FHIT: variants seen among roughly 807,000 people sequenced by gnomAD.
FHIT encodes the protein fragile histidine triad diadenosine triphosphatase, also known as bis(5'-adenosyl)-triphosphatase.
A neutral mutation model predicts 17.9 loss-of-function variants in FHIT; 19 were observed. The observed-to-expected ratio is 1.06, with a 90% CI of 0.74 to 1.56. FHIT has a LOEUF of 1.56. Ranked by LOEUF, FHIT falls within the 40% of genes most tolerant of loss-of-function variation. The pLI is 0.00. For missense variants in FHIT, 248 were observed against 189.2 expected, an observed-to-expected ratio of 1.31 and a Z score of -1.82; for synonymous variants, 81 against 69.7, an observed-to-expected ratio of 1.16 and a Z score of -0.81.
rs150822508 is a variant in FHIT, at chr3:59,847,436, C to T, written c.348+74910G>A. Among the ~76,000 whole-genome samples the T allele has an allele frequency of 8.5e-5, 13 of 152,140 alleles. 1 individual carries two copies. The East Asian group carries it at 1.9e-3, about 23-fold the overall frequency. ...TTACAATTTATTTTTGGTTTCTTTG[C>T]ATCACTCTCTCTTTATTGATGTTGC... is the stretch of plus-strand genomic sequence containing the variant. On this transcript the variant is annotated intron_variant, in intron 8 of 9. Coordinates refer to ENST00000492590, the MANE Select transcript of FHIT (RefSeq NM_002012.4).
In FHIT at chr3:60,298,258, C is replaced by T. The variant is rs145999091; in HGVS notation, c.103+238602G>A. 1.4e-3 allele frequency among the ~76,000 whole-genome samples: 219 copies of T among 152,184 alleles called. 3 individuals carry two copies. The Middle Eastern group carries it at 0.02, about 14-fold the overall frequency. On this transcript the variant is annotated intron_variant, in intron 5 of 9. Coordinates refer to ENST00000492590, the MANE Select transcript of FHIT (RefSeq NM_002012.4). ...GATCATCCAGACCTTCAGACCCTCT[C>T]CCCTCCCTAGAGTCAGGAGATAAGG... is the stretch of plus-strand genomic sequence containing the variant.
intron 3 of FHIT, among the ~76,000 whole-genome samples, chr3:60,955,607 T>TAC (rs1709085326): frequency 8.7e-5 from 1 of 11,548 alleles, no homozygotes; most frequent in African/African-American, 2.3e-4. Context: ...CATATATATA[T>TAC]ATATATATAT....
intron 2 of FHIT, among the ~76,000 whole-genome samples, chr3:61,099,951 C>T (rs531152916): frequency 2.6e-5 from 4 of 152,180 alleles, no homozygotes; most frequent in African/African-American, 7.2e-5. Context: ...TATGAAGGTT[C>T]CCGAATCCTT....
intron 5 of FHIT, among the ~76,000 whole-genome samples, chr3:60,426,526 C>G (rs1264333358): frequency 6.6e-6 from 1 of 152,100 alleles, no homozygotes; most frequent in Non-Finnish European, 1.5e-5. Context: ...ACATATGCAT[C>G]TATTTATCAC....
rs1005151006 is a variant in FHIT at position 60,038,977 on chromosome 3, T to C, written c.104-24825A>G. On this transcript the variant is annotated intron_variant, in intron 5 of 9. Coordinates refer to ENST00000492590, the MANE Select transcript of FHIT (RefSeq NM_002012.4). Reference sequence around the variant, plus strand: ...TTTCTGGAGGGGGTGGTCAGGAATTTTGGATCATCTCAGTCAGAAGGTCTG... The same window carrying C: ...TTTCTGGAGGGGGTGGTCAGGAATTCTGGATCATCTCAGTCAGAAGGTCTG... Among the ~76,000 whole-genome samples, 5 of 152,140 alleles carry C rather than the reference T, an allele frequency of 3.3e-5. No individual in the cohort carries two copies. In the South Asian group the frequency reaches 6.2e-4, roughly 19 times the overall value.
chr3:59,911,645 G>GA lies in FHIT; in HGVS notation c.348+10700dup, dbSNP rs554214108. Among the ~76,000 whole-genome samples, 14 of 152,186 alleles carry GA rather than the reference G, an allele frequency of 9.2e-5. No homozygotes were observed. In the East Asian group the frequency reaches 2.1e-3, roughly 23 times the overall value. ...TTTTCTCAGCAGGCTTTGTTGGTTT[G>GA]AAAAAATACCTTGGCATCTCAGGAA... On this transcript the variant is annotated intron_variant, in intron 8 of 9. Transcript: ENST00000492590.
chr3:60,238,670 T>G (rs1181739790), intron 5 of FHIT, among the ~76,000 whole-genome samples: 1 of 152,130 alleles, frequency 6.6e-6, no homozygotes, highest in South Asian at 2.1e-4. Context: ...CTTAGTGTAG[T>G]TGCACTCTTC....
chr3:60,307,878 C>T (rs896372336), intron 5 of FHIT, among the ~76,000 whole-genome samples: 14 of 151,752 alleles, frequency 9.2e-5, no homozygotes, highest in Non-Finnish European at 1.8e-4. Context: ...ACATGTGGTT[C>T]GGCACACACG....
chr3:60,782,219 TTGTGTG>T (rs538033687), intron 4 of FHIT, among the ~76,000 whole-genome samples: 4 of 144,154 alleles, frequency 2.8e-5, no homozygotes, highest in African/African-American at 8.0e-5. Flanking sequence ...GAATATTTCA[TTGTGTG>T]TGTGTGTGTG....
chr3:60,378,889 C>T lies in FHIT; in HGVS notation c.103+157971G>A, dbSNP rs191288265. Among the ~76,000 whole-genome samples, 99 of 152,182 alleles carry T rather than the reference C, an allele frequency of 6.5e-4. 1 individual carries two copies. Among genetic ancestry groups the T allele is most frequent in the African/African-American group, 2.1e-3 (87 of 41,536 alleles). ...TAAAGTAAGGTGAAAAAAGATCAAA[C>T]GTGGATTCAAAAAAAATAAAGCACT... On this transcript the variant is annotated intron_variant, in intron 5 of 9. Transcript: ENST00000492590.
At chr3:60,250,965 G>A (rs213391) in intron 5 of FHIT, among the ~76,000 whole-genome samples, 12 of 151,912 alleles carry the variant, frequency 7.9e-5, no homozygotes, top group African/African-American at 2.9e-4. Flanking sequence ...AACGAAAGAG[G>A]TGACATTATG....
intron 8 of FHIT, among the ~76,000 whole-genome samples, chr3:59,828,327 T>C (rs1274697170): frequency 6.6e-6 from 1 of 152,232 alleles, no homozygotes; most frequent in Non-Finnish European, 1.5e-5. Flanking sequence ...GGCATGTACC[T>C]ACTAAGTAGG....
Position 60,648,857 on chromosome 3 carries a change from T to C in FHIT, c.-17-111878A>G, listed in dbSNP as rs557375064. Reference sequence around the variant, plus strand: ...TGCAGTTTGTTGACCCTCTCTTCAATTGGAAACATCTGAGGTTCACTCAGT... The same window carrying C: ...TGCAGTTTGTTGACCCTCTCTTCAACTGGAAACATCTGAGGTTCACTCAGT... On this transcript the variant is annotated intron_variant, in intron 4 of 9. Transcript: ENST00000492590. Among the ~76,000 whole-genome samples the C allele has an allele frequency of 3.7e-4, 57 of 152,246 alleles. No homozygotes were observed. The South Asian group carries it at 4.8e-3, about 13-fold the overall frequency.
At chr3:60,851,932 A>G (rs1448445569) in intron 3 of FHIT, among the ~76,000 whole-genome samples, 1 of 152,134 alleles carries the variant, frequency 6.6e-6, no homozygotes, top group Non-Finnish European at 1.5e-5. Flanking sequence ...ACATTTCTAT[A>G]AGTGTCACGA....
intron 3 of FHIT, among the ~76,000 whole-genome samples, chr3:60,975,766 T>C (rs1710205228): frequency 6.6e-6 from 1 of 152,180 alleles, no homozygotes; most frequent in Non-Finnish European, 1.5e-5. Flanking sequence ...TTAAATGAAC[T>C]CTCATATTTT....
At chr3:60,990,574 A>G (rs2030108685) in intron 3 of FHIT, among the ~76,000 whole-genome samples, 1 of 152,232 alleles carries the variant, frequency 6.6e-6, no homozygotes, top group African/African-American at 2.4e-5. Context: ...CAGTGTCCCC[A>G]TTCTAGTATT....
At chr3:59,986,538 TATAC>T (rs1708927651) in intron 7 of FHIT, among the ~76,000 whole-genome samples, 1 of 11,388 alleles carries the variant, frequency 8.8e-5, no homozygotes, top group African/African-American at 4.6e-4. Context: ...TATATATATA[TATAC>T]ACACACACAC....
At chr3:60,858,729 A>T (rs1176906401) in intron 3 of FHIT, among the ~76,000 whole-genome samples, 1 of 152,310 alleles carries the variant, frequency 6.6e-6, no homozygotes, top group African/African-American at 2.4e-5. Flanking sequence ...GGACAGAAAT[A>T]GCCATTCACT....
intron 5 of FHIT, among the ~76,000 whole-genome samples, chr3:60,124,051 G>GAGAGAC (rs1426268385): frequency 4.2e-5 from 5 of 118,790 alleles, no homozygotes; most frequent in African/African-American, 1.6e-4. Flanking sequence ...GAGAGAGAGA[G>GAGAGAC]AGAGACAGAG....
Sources: allele counts gnomAD v4.1 joint callset (sites outside exome capture counted in the v4.1 genomes callset), GRCh38; gene constraint gnomAD v4.1.1; transcripts MANE v1.5; gene names NCBI Gene and HGNC (gene_info 2026-07-23, HGNC 2026-07-21).